The following UBE3C variants were observed in gnomAD, a reference collection of about 807,000 sequenced individuals.
The protein encoded by UBE3C is ubiquitin-protein ligase E3C.
UBE3C carries 42 observed loss-of-function variants against 129.4 expected under a neutral mutation model. The ratio of observed to expected loss-of-function variants is 0.32; its 90% CI spans 0.25 to 0.42. The LOEUF is 0.42. Among genes scored for constraint, UBE3C ranks in the 10% least tolerant of loss-of-function variants. The pLI is 1.00. For missense variants in UBE3C, 1,049 were observed against 1,319.1 expected (o/e 0.80, Z 3.17); for synonymous variants, 510 against 492.4 (o/e 1.04, Z -0.47).
intron 15 of UBE3C, chr7:157,221,071 A>T (rs889875778): frequency 1.1e-5 from 3 of 284,792 alleles, no homozygotes; most frequent in Non-Finnish European, 2.1e-5. Flanking sequence ...AGCACGCTGC[A>T]TTTGAGGGTG....
In UBE3C at chr7:157,250,235, A is replaced by C. The variant is rs908859088; in HGVS notation, c.2694+1655A>C. On this transcript the variant is annotated intron_variant, in intron 19 of 22. Transcript: ENST00000348165. ...TTGTTGTTGTTGTTGTATTGTTTTG[A>C]GACGGGGTTTCACTCTGTCACCCAG... Among the ~76,000 whole-genome samples, 4 of 152,010 alleles carry C rather than the reference A, an allele frequency of 2.6e-5. No homozygotes were observed. The East Asian group carries it at 7.7e-4, about 29-fold the overall frequency.
At chr7:157,231,481 A>G (rs1796020378) in intron 18 of UBE3C, 154 bp downstream of exon 18, 13 of 1,146,522 alleles carry the variant, frequency 1.1e-5, no homozygotes, top group Non-Finnish European at 1.2e-6. Flanking sequence ...ACAAATTTGT[A>G]TGGTTGTAAG....
intron 5 of UBE3C, among the ~76,000 whole-genome samples, chr7:157,177,104 T>A (rs534331454): frequency 6.6e-6 from 1 of 152,186 alleles, no homozygotes; most frequent in Non-Finnish European, 1.5e-5. Flanking sequence ...TAGAAGAAAC[T>A]ACCAAACTTA....
At chr7:157,190,020 C>T (rs1280494503) in intron 10 of UBE3C, among the ~76,000 whole-genome samples, 2 of 152,110 alleles carry the variant, frequency 1.3e-5, no homozygotes, top group African/African-American at 4.8e-5. Flanking sequence ...AGGCTGGTCT[C>T]GAACTCCTGA....
At chr7:157,223,675 G>A (rs1303513128) in intron 16 of UBE3C, among the ~76,000 whole-genome samples, 2 of 152,142 alleles carry the variant, frequency 1.3e-5, no homozygotes, top group Non-Finnish European at 2.9e-5. Flanking sequence ...TGTAATCCCA[G>A]CACTTTGGGA....
chr7:157,163,124 G>A (rs1038805693), intron 1 of UBE3C, among the ~76,000 whole-genome samples: 1 of 152,000 alleles, frequency 6.6e-6, no homozygotes, highest in Non-Finnish European at 1.5e-5. Context: ...GGTGGTTCAC[G>A]CCTGTAATCC....
At chr7:157,241,074 G>A (rs1170248125) in intron 18 of UBE3C, among the ~76,000 whole-genome samples, 4 of 152,306 alleles carry the variant, frequency 2.6e-5, no homozygotes, top group Admixed American at 6.5e-5. Flanking sequence ...GGAAGTGGCA[G>A]TAAGGAGCAC....
intron 10 of UBE3C, among the ~76,000 whole-genome samples, chr7:157,193,266 AT>A (rs1809023248): frequency 7.1e-6 from 1 of 140,254 alleles, no homozygotes; most frequent in Non-Finnish European, 1.5e-5. Context: ...GTCCAGTAAT[AT>A]TTTTTTAAAA....
At chr7:157,167,598 C>T (rs533674694) in intron 2 of UBE3C, among the ~76,000 whole-genome samples, 8 of 151,778 alleles carry the variant, frequency 5.3e-5, no homozygotes, top group Admixed American at 1.3e-4. Context: ...AATGCAGTGG[C>T]GCGATCTCGG....
intron 16 of UBE3C, among the ~76,000 whole-genome samples, chr7:157,225,009 A>G (rs551848468): frequency 6.6e-5 from 10 of 152,206 alleles, no homozygotes; most frequent in African/African-American, 2.2e-4. Flanking sequence ...CAAGGGGTTT[A>G]AATTTTAATT....
rs1491094674 is a variant in UBE3C, at chr7:157,171,687, T to TATATATA, written c.342+1237_342+1238insATATATA. 1.6e-3 allele frequency among the ~76,000 whole-genome samples: 10 copies of TATATATA among 6,168 alleles called. No individual in the cohort carries two copies. In the East Asian group the frequency reaches 0.018, roughly 11 times the overall value. 4.0% of individuals were successfully genotyped at this position (6,168 alleles called of 152,430 possible). On this transcript the variant is annotated intron_variant, in intron 4 of 22. Coordinates refer to ENST00000348165, the MANE Select transcript of UBE3C (RefSeq NM_014671.3). ...ATATATATATATATATATATATATA[T>TATATATA]TTTTTTTTTTTTTTTTTTTTTTTTT...
Position 157,237,661 on chromosome 7 carries a change from A to G in UBE3C, c.2481+6334A>G, listed in dbSNP as rs373170556. Reference sequence around the variant, plus strand: ...TTCTGGGCCATGTTAATTTGTCACCATGAAGATTAGAAGCACACACTCTTG... The same window carrying G: ...TTCTGGGCCATGTTAATTTGTCACCGTGAAGATTAGAAGCACACACTCTTG... On this transcript the variant is annotated intron_variant, in intron 18 of 22. Coordinates refer to ENST00000348165, the MANE Select transcript of UBE3C (RefSeq NM_014671.3). 1.4e-4 allele frequency among the ~76,000 whole-genome samples: 21 copies of G among 152,276 alleles called. No individual in the cohort carries two copies. The South Asian group carries it at 4.4e-3, about 32-fold the overall frequency.
Position 157,170,457 on chromosome 7 carries a change from G to A in UBE3C, c.342+7G>A. 1 of 1,525,188 alleles carries A rather than the reference G, an allele frequency of 6.6e-7. No homozygotes were observed. Among genetic ancestry groups the A allele is most frequent in the South Asian group, 1.3e-5 (1 of 77,744 alleles). The allele number at this position is 1,525,188 out of a possible 1,614,324, so 94.5% of individuals were successfully genotyped here. Reference sequence around the variant, plus strand: ...TGAAGACTCAAAACGTTTGGTGAGTGTTAACTACATTTTCACTTGTCCTCG... The same window carrying A: ...TGAAGACTCAAAACGTTTGGTGAGTATTAACTACATTTTCACTTGTCCTCG... On this transcript the variant is annotated splice_region_variant and intron_variant, in intron 4 of 22. Coordinates refer to ENST00000348165, the MANE Select transcript of UBE3C (RefSeq NM_014671.3).
At chr7:157,160,961 T>C (rs1808052469) in intron 1 of UBE3C, among the ~76,000 whole-genome samples, 1 of 152,206 alleles carries the variant, frequency 6.6e-6, no homozygotes, top group African/African-American at 2.4e-5. Flanking sequence ...GTAACCTTAC[T>C]GTAATCATGA....
At chr7:157,163,766 T>C (rs772073555) in intron 1 of UBE3C, 44 bp from the exon 2 acceptor site, 4 of 1,590,382 alleles carry the variant, frequency 2.5e-6, no homozygotes, top group Non-Finnish European at 2.6e-6. Flanking sequence ...AGTTTTAAAA[T>C]TGAAATTATA....
At chr7:157,205,370 G>A (rs372897199) in intron 11 of UBE3C, among the ~76,000 whole-genome samples, 1 of 150,588 alleles carries the variant, frequency 6.6e-6, no homozygotes, top group African/African-American at 2.4e-5. Flanking sequence ...AGAATTTTAT[G>A]CATCCTGCAA....
chr7:157,213,570 T>C (rs1271890353), intron 13 of UBE3C, among the ~76,000 whole-genome samples: 2 of 152,226 alleles, frequency 1.3e-5, no homozygotes, highest in Non-Finnish European at 2.9e-5. Context: ...TAGATACTTG[T>C]AGAGCAGTTG....
intron 10 of UBE3C, among the ~76,000 whole-genome samples, chr7:157,199,605 G>A (rs1222389035): frequency 6.6e-6 from 1 of 151,874 alleles, no homozygotes; most frequent in Non-Finnish European, 1.5e-5. Flanking sequence ...TGAATAGCTG[G>A]GATTACAGGC....
intron 1 of UBE3C, among the ~76,000 whole-genome samples, chr7:157,156,347 C>G (rs1165461250): frequency 2.1e-5 from 3 of 140,224 alleles, no homozygotes; most frequent in Admixed American, 1.5e-4. Flanking sequence ...TGCTCTGTCA[C>G]CTGGGCTGGA....
Sources: allele counts gnomAD v4.1 joint callset (sites outside exome capture counted in the v4.1 genomes callset), GRCh38; gene constraint gnomAD v4.1.1; transcripts MANE v1.5; gene names NCBI Gene and HGNC (gene_info 2026-07-23, HGNC 2026-07-21).